The following MAP2K5 variants were observed in gnomAD, a reference collection of about 807,000 sequenced individuals.
MAP2K5 encodes the protein dual specificity mitogen-activated protein kinase kinase 5.
MAP2K5 carries 49 observed loss-of-function variants against 83.1 expected under a neutral mutation model. The ratio of observed to expected loss-of-function variants is 0.59; its 90% CI spans 0.47 to 0.75. MAP2K5 has a LOEUF of 0.75. Among genes scored for constraint, MAP2K5 ranks in the 30% least tolerant of loss-of-function variants. The pLI is 0.00. For missense variants in MAP2K5, 457 were observed against 557.5 expected (o/e 0.82, Z 1.82); for synonymous variants, 202 against 191.8 (o/e 1.05, Z -0.44).
chr15:67,551,415 C>G (rs2084508018), intron 2 of MAP2K5, among the ~76,000 whole-genome samples: 1 of 147,670 alleles, frequency 6.8e-6, no homozygotes, highest in Non-Finnish European at 1.5e-5. Context: ...TCACTGTAAC[C>G]TTGAACTCCT....
At chr15:67,569,005 C>CAAAAAAAA (rs71142380) in intron 3 of MAP2K5, among the ~76,000 whole-genome samples, 6 of 91,172 alleles carry the variant, frequency 6.6e-5, no homozygotes, top group East Asian at 6.1e-4. Context: ...GACTCCATCT[C>CAAAAAAAA]AAAAAAAAAA....
chr15:67,615,292 C>G (rs1027794257), intron 8 of MAP2K5, among the ~76,000 whole-genome samples: 4 of 152,176 alleles, frequency 2.6e-5, no homozygotes, highest in African/African-American at 9.7e-5. Flanking sequence ...GCCACTGTGC[C>G]CGGCCTGTTT....
chr15:67,772,526 TCTGA>T (rs1217952212), intron 20 of MAP2K5, among the ~76,000 whole-genome samples, 177 bp from the exon 21 acceptor site: 1 of 152,180 alleles, frequency 6.6e-6, no homozygotes, highest in East Asian at 1.9e-4. Context: ...CCCCCAGAAA[TCTGA>T]CTAAGTAAAG....
intron 12 of MAP2K5, among the ~76,000 whole-genome samples, chr15:67,663,232 C>T (rs893475628): frequency 5.3e-5 from 8 of 152,164 alleles, no homozygotes; most frequent in Non-Finnish European, 5.9e-5. Flanking sequence ...GTTATCTACT[C>T]AACAGCCCTT....
chr15:67,722,609 G>T lies in MAP2K5; in HGVS notation c.1045-5307G>T, dbSNP rs1315680209. ...TAATATTTATTATGGTTCTTCACCAGCATAGTTTCAGATGATTTAAACTCT... is the reference window on the plus strand; with the variant it reads ...TAATATTTATTATGGTTCTTCACCATCATAGTTTCAGATGATTTAAACTCT... On this transcript the variant is annotated intron_variant, in intron 16 of 21. Coordinates refer to ENST00000178640, the MANE Select transcript of MAP2K5 (RefSeq NM_145160.3). This position sits in a 1 kb window ranked among gnomAD's most constrained non-coding sequence, Gnocchi z 4.2. Among the ~76,000 whole-genome samples, 2 of 152,164 alleles carry T rather than the reference G, an allele frequency of 1.3e-5. No homozygotes were observed. Among genetic ancestry groups the T allele is most frequent in the African/African-American group, 4.8e-5 (2 of 41,438 alleles).
At chr15:67,647,584 A>G (rs2086856413) in intron 11 of MAP2K5, among the ~76,000 whole-genome samples, 1 of 151,450 alleles carries the variant, frequency 6.6e-6, no homozygotes, top group Non-Finnish European at 1.5e-5. Context: ...TCATCTTTAC[A>G]AAAAAATTTT....
intron 14 of MAP2K5, among the ~76,000 whole-genome samples, chr15:67,693,084 C>T (rs1453082284): frequency 6.6e-6 from 1 of 152,136 alleles, no homozygotes; most frequent in African/African-American, 2.4e-5. Context: ...CGAAGGTCAT[C>T]GTTGTATTAT....
At chr15:67,752,341 A>G (rs951936085) in intron 19 of MAP2K5, among the ~76,000 whole-genome samples, 2 of 151,952 alleles carry the variant, frequency 1.3e-5, no homozygotes, top group Non-Finnish European at 2.9e-5. Flanking sequence ...TGCTGATTTC[A>G]TATGGTACTT....
chr15:67,563,149 A>C lies in MAP2K5; in HGVS notation c.185-134A>C. 2 of 937,600 alleles carry C rather than the reference A, an allele frequency of 2.1e-6. No individual in the cohort carries two copies. The highest frequency in any genetic ancestry group is 3.0e-6 in the Non-Finnish European group (2 of 667,252). 58.1% of individuals were successfully genotyped at this position (937,600 alleles called of 1,614,324 possible). On this transcript the variant is annotated intron_variant, in intron 2 of 21. Transcript: ENST00000178640. The surrounding 1 kb of genome is among the most constrained non-coding windows in gnomAD (Gnocchi z 4.5). Reference sequence around the variant, plus strand: ...AAATGGAAAACAAAACAACAAACTAATAATGTCAACATACCCCCAAAATGT... The same window carrying C: ...AAATGGAAAACAAAACAACAAACTACTAATGTCAACATACCCCCAAAATGT...
Position 67,770,896 on chromosome 15 carries a change from AAC to A in MAP2K5, c.1196+1236_1196+1237del, listed in dbSNP as rs1183640286. On this transcript the variant is annotated intron_variant, in intron 20 of 21. Transcript: ENST00000178640. The surrounding 1 kb of genome is among the most constrained non-coding windows in gnomAD (Gnocchi z 5.0). Reference sequence around the variant, plus strand: ...TCTCCCCAATTAAAAAAATTTTATTAACACTGTTTCTATTTATTTAAAATACT... The same window carrying A: ...TCTCCCCAATTAAAAAAATTTTATTAACTGTTTCTATTTATTTAAAATACT... 1.3e-5 allele frequency among the ~76,000 whole-genome samples: 2 copies of A among 152,226 alleles called. No individual in the cohort carries two copies. Among genetic ancestry groups the A allele is most frequent in the Non-Finnish European group, 2.9e-5 (2 of 68,038 alleles).
At chr15:67,632,299 T>C (rs1363451917) in intron 9 of MAP2K5, among the ~76,000 whole-genome samples, 2 of 152,076 alleles carry the variant, frequency 1.3e-5, no homozygotes, top group Non-Finnish European at 2.9e-5. Flanking sequence ...AGGGTTTCAC[T>C]ATGTTTCCCA....
At chr15:67,594,654 T>C (rs966062810) in intron 7 of MAP2K5, among the ~76,000 whole-genome samples, 2 of 152,168 alleles carry the variant, frequency 1.3e-5, no homozygotes, top group Non-Finnish European at 2.9e-5. Context: ...AGTTATGAGG[T>C]TCTCTATATG....
chr15:67,724,624 C>T lies in MAP2K5; in HGVS notation c.1045-3292C>T, dbSNP rs2089048110. ...ACTAAGAAACCATTTTCTTTTTTAC[C>T]TCCTCCCAATAGAACTTGATAAAAA... On this transcript the variant is annotated intron_variant, in intron 16 of 21. Coordinates refer to ENST00000178640, the MANE Select transcript of MAP2K5 (RefSeq NM_145160.3). The surrounding 1 kb of genome is among the most constrained non-coding windows in gnomAD (Gnocchi z 4.4). 6.6e-6 allele frequency among the ~76,000 whole-genome samples: 1 copy of T among 152,148 alleles called. No individual in the cohort carries two copies. The highest frequency in any genetic ancestry group is 6.5e-5 in the Admixed American group (1 of 15,276).
chr15:67,554,141 C>T (rs757412799), intron 2 of MAP2K5, among the ~76,000 whole-genome samples: 17 of 152,180 alleles, frequency 1.1e-4, no homozygotes, highest in South Asian at 8.3e-4. Flanking sequence ...CTCACTGCAA[C>T]CTCTGCCTCC....
intron 16 of MAP2K5, among the ~76,000 whole-genome samples, chr15:67,713,086 T>A (rs1394167572): frequency 6.6e-6 from 1 of 152,174 alleles, no homozygotes; most frequent in Admixed American, 6.5e-5. Context: ...GGGAAAAATA[T>A]ATGTTTGTAC....
At chr15:67,657,861 A>G (rs1349440873) in intron 11 of MAP2K5, among the ~76,000 whole-genome samples, 3 of 152,108 alleles carry the variant, frequency 2.0e-5, no homozygotes, top group African/African-American at 7.2e-5. Context: ...GACATATGAA[A>G]ATATTCACAT....
Position 67,801,609 on chromosome 15 carries a change from C to G in MAP2K5, c.1243-5037C>G, listed in dbSNP as rs561295671. ...TTAAACTCTAACTCTGCCACTTTCT[C>G]CATGACCTTGCCACATAATATCAAG... On this transcript the variant is annotated intron_variant, in intron 21 of 21. Transcript: ENST00000178640. This position sits in a 1 kb window ranked among gnomAD's most constrained non-coding sequence, Gnocchi z 4.8. Among the ~76,000 whole-genome samples, 13 of 152,330 alleles carry G rather than the reference C, an allele frequency of 8.5e-5. No individual in the cohort carries two copies. The highest frequency in any genetic ancestry group is 3.1e-4 in the African/African-American group (13 of 41,582).
In MAP2K5 at chr15:67,565,103, A is replaced by G. The variant is rs1009249108; in HGVS notation, c.252+1753A>G. The stretch of plus-strand genomic sequence containing the variant: ...GAGATAAGCCCAAGGTCTTAGAGCT[A>G]GTATGAATGTGAATATGGAATTTAA... On this transcript the variant is annotated intron_variant, in intron 3 of 21. Transcript: ENST00000178640. The surrounding 1 kb of genome is among the most constrained non-coding windows in gnomAD (Gnocchi z 4.1). Among the ~76,000 whole-genome samples, 28 of 152,352 alleles carry G rather than the reference A, an allele frequency of 1.8e-4. No homozygotes were observed. Among genetic ancestry groups the G allele is most frequent in the African/African-American group, 6.7e-4 (28 of 41,586 alleles).
At chr15:67,642,533 G>C (rs370716132) in intron 9 of MAP2K5, 3 of 1,189,198 alleles carry the variant, frequency 2.5e-6, no homozygotes, top group Non-Finnish European at 1.3e-6. Flanking sequence ...CATTCAAGCT[G>C]GGTCTAAAAG....
Sources: allele counts gnomAD v4.1 joint callset (sites outside exome capture counted in the v4.1 genomes callset), GRCh38; gene constraint gnomAD v4.1.1; non-coding constraint Gnocchi (gnomAD v3.1); transcripts MANE v1.5; gene names NCBI Gene and HGNC (gene_info 2026-07-23, HGNC 2026-07-21).